ADGRB3: variants seen among roughly 807,000 people sequenced by gnomAD.
ADGRB3 encodes the protein brain-specific angiogenesis inhibitor 3.
A neutral mutation model predicts 193.4 loss-of-function variants in ADGRB3; 37 were observed. That is an observed-to-expected ratio of 0.19 (90% CI 0.15 to 0.25). ADGRB3 has a LOEUF of 0.25. Ranked by LOEUF, ADGRB3 falls within the 10% of genes least tolerant of loss-of-function variation. The pLI, the probability that ADGRB3 is intolerant of heterozygous loss-of-function variation, is 1.00. For missense variants in ADGRB3, 1,637 were observed against 1,852.9 expected (o/e 0.88, Z 2.14); for synonymous variants, 690 against 644.2 (o/e 1.07, Z -1.08).
intron 17 of ADGRB3, among the ~76,000 whole-genome samples, chr6:69,223,446 T>C (rs1004844337): frequency 1.3e-5 from 2 of 152,086 alleles, no homozygotes; most frequent in Admixed American, 6.6e-5. Flanking sequence ...TGGGGTAGCC[T>C]TGCAGGAATG....
chr6:69,194,543 G>A lies in ADGRB3; in HGVS notation c.2481-38747G>A, dbSNP rs192104552. 1.8e-4 allele frequency among the ~76,000 whole-genome samples: 28 copies of A among 152,232 alleles called. 1 individual carries two copies. Among genetic ancestry groups the A allele is most frequent in the African/African-American group, 6.3e-4 (26 of 41,550 alleles). On this transcript the variant is annotated intron_variant, in intron 17 of 31. Transcript: ENST00000370598. ...TGTTGCCAAAATCAGTTTTGATTGC[G>A]TGAGAATGGGCTTGAAAGTGAGATG...
intron 6 of ADGRB3, among the ~76,000 whole-genome samples, chr6:68,955,704 A>G (rs1165997849): frequency 6.6e-6 from 1 of 152,120 alleles, no homozygotes; most frequent in African/African-American, 2.4e-5. Flanking sequence ...AGGCAAGAGA[A>G]CTGCTTGAAC....
At chr6:68,807,205 G>T (rs966773099) in intron 3 of ADGRB3, among the ~76,000 whole-genome samples, 16 of 137,102 alleles carry the variant, frequency 1.2e-4, no homozygotes, top group Non-Finnish European at 2.2e-4. Context: ...TAAAATGGAT[G>T]TTAATTTTTC....
At chr6:69,215,104 C>G (rs1765749106) in intron 17 of ADGRB3, among the ~76,000 whole-genome samples, 1 of 151,934 alleles carries the variant, frequency 6.6e-6, no homozygotes, top group African/African-American at 2.4e-5. Context: ...GAGAACTGTC[C>G]CAGATTGGAC....
At chr6:69,192,227 C>T (rs1435878181) in intron 17 of ADGRB3, among the ~76,000 whole-genome samples, 2 of 152,174 alleles carry the variant, frequency 1.3e-5, no homozygotes, top group Non-Finnish European at 2.9e-5. Context: ...GCCAACAGTG[C>T]AGCCTTCAGT....
intron 3 of ADGRB3, among the ~76,000 whole-genome samples, chr6:68,819,895 G>A (rs772523284): frequency 4.6e-5 from 7 of 151,898 alleles, no homozygotes; most frequent in African/African-American, 1.2e-4. Flanking sequence ...TTATTTCCCC[G>A]AATATCATCA....
At chr6:69,238,310 T>C (rs1399523801) in intron 19 of ADGRB3, among the ~76,000 whole-genome samples, 1 of 152,090 alleles carries the variant, frequency 6.6e-6, no homozygotes, top group African/African-American at 2.4e-5. Flanking sequence ...TACCACAGAA[T>C]GCAGTGAAGC....
chr6:69,269,326 T>C (rs1263838502), intron 20 of ADGRB3, among the ~76,000 whole-genome samples: 1 of 152,134 alleles, frequency 6.6e-6, no homozygotes, highest in African/African-American at 2.4e-5. Context: ...TGATACTTCA[T>C]TTTCAGAGAA....
chr6:68,730,166 A>G (rs1287730114), intron 3 of ADGRB3, among the ~76,000 whole-genome samples: 1 of 151,692 alleles, frequency 6.6e-6, no homozygotes, highest in Non-Finnish European at 1.5e-5. Flanking sequence ...TCTTATATTT[A>G]GTTAAATGTA....
intron 3 of ADGRB3, among the ~76,000 whole-genome samples, chr6:68,754,921 C>T (rs1025926742): frequency 1.2e-4 from 19 of 152,214 alleles, no homozygotes; most frequent in African/African-American, 3.6e-4. Context: ...ACAAGCAATA[C>T]TGTTGTTAGA....
intron 16 of ADGRB3, among the ~76,000 whole-genome samples, chr6:69,067,135 A>G (rs1367138022): frequency 6.6e-6 from 1 of 152,130 alleles, no homozygotes; most frequent in East Asian, 1.9e-4. Flanking sequence ...GGACCATACC[A>G]GCCTGCAGTC....
intron 17 of ADGRB3, among the ~76,000 whole-genome samples, chr6:69,152,615 A>C (rs314213): frequency 0.14 from 21,256 of 152,198 alleles, 1,655 homozygotes; most frequent in Non-Finnish European, 0.16. Flanking sequence ...TGTTGGCTAC[A>C]CAATTTTTAA....
chr6:69,215,367 AG>A (rs2127243735), intron 17 of ADGRB3, among the ~76,000 whole-genome samples: 1 of 152,318 alleles, frequency 6.6e-6, no homozygotes, highest in African/African-American at 2.4e-5. Context: ...AATGTTAAAA[AG>A]AAAATATATG....
intron 17 of ADGRB3, among the ~76,000 whole-genome samples, chr6:69,112,860 C>A (rs553924202): frequency 4.0e-5 from 6 of 151,874 alleles, no homozygotes; most frequent in African/African-American, 1.5e-4. Context: ...AAGGTTAAAG[C>A]GATTCTCCTG....
intron 3 of ADGRB3, among the ~76,000 whole-genome samples, chr6:68,900,058 G>A (rs962355590): frequency 3.3e-5 from 5 of 151,982 alleles, no homozygotes; most frequent in Non-Finnish European, 7.4e-5. Flanking sequence ...ACACTGTCTT[G>A]TACACAGTAG....
At chr6:68,865,283 T>G (rs1765265017) in intron 3 of ADGRB3, among the ~76,000 whole-genome samples, 1 of 152,182 alleles carries the variant, frequency 6.6e-6, no homozygotes, top group Non-Finnish European at 1.5e-5. Flanking sequence ...AGTCCAGTTC[T>G]GATAAAAATT....
intron 29 of ADGRB3, among the ~76,000 whole-genome samples, chr6:69,364,897 G>C (rs902554326): frequency 3.3e-5 from 5 of 152,056 alleles, no homozygotes; most frequent in African/African-American, 1.2e-4. Context: ...GGGGACAAAA[G>C]AGATATCATG....
intron 20 of ADGRB3, among the ~76,000 whole-genome samples, chr6:69,284,343 C>T (rs1347110173): frequency 1.3e-5 from 2 of 152,074 alleles, no homozygotes; most frequent in African/African-American, 2.4e-5. Context: ...CTCTTGAATC[C>T]ATCAGACAAT....
At chr6:69,310,102 G>A (rs16900641) in intron 20 of ADGRB3, among the ~76,000 whole-genome samples, 4,909 of 151,716 alleles carry the variant, frequency 0.032, 268 homozygotes, top group African/African-American at 0.11. Context: ...TTAAACTCAC[G>A]ACATAAGAAT....
Sources: allele counts gnomAD v4.1 joint callset (sites outside exome capture counted in the v4.1 genomes callset), GRCh38; gene constraint gnomAD v4.1.1; transcripts MANE v1.5; gene names NCBI Gene and HGNC (gene_info 2026-07-23, HGNC 2026-07-21).